SEMA5B: variants seen among roughly 807,000 people sequenced by gnomAD.
SEMA5B encodes semaphorin 5B.
A neutral mutation model predicts 135.0 loss-of-function variants in SEMA5B; 66 were observed. The observed-to-expected ratio is 0.49, with a 90% CI of 0.40 to 0.60. The LOEUF (loss-of-function observed/expected upper bound fraction) is 0.60. SEMA5B is among the 20% of genes least tolerant of loss of function. The pLI, the probability that SEMA5B is intolerant of heterozygous loss-of-function variation, is 0.00. For missense variants in SEMA5B, 1,501 were observed against 1,566.3 expected (o/e 0.96, Z 0.70); for synonymous variants, 690 against 639.5 (o/e 1.08, Z -1.19).
intron 20 of SEMA5B, 63 bp from the exon 21 acceptor site, chr3:122,911,598 G>T (rs1937712570): frequency 6.5e-7 from 1 of 1,528,770 alleles, no homozygotes; most frequent in South Asian, 1.2e-5. Context: ...GCCCTGCAGG[G>T]TAGGCGTAAG....
chr3:122,982,759 A>G (rs1941561396), intron 1 of SEMA5B, among the ~76,000 whole-genome samples: 1 of 151,992 alleles, frequency 6.6e-6, no homozygotes, highest in Non-Finnish European at 1.5e-5. Flanking sequence ...CACTGAATGG[A>G]GAAAAAGCAG....
At chr3:122,966,357 T>C (rs188537419) in intron 1 of SEMA5B, among the ~76,000 whole-genome samples, 1 of 152,016 alleles carries the variant, frequency 6.6e-6, no homozygotes, top group African/African-American at 2.4e-5. Context: ...AAAGAGTTGC[T>C]CAGAGAAGAG....
intron 1 of SEMA5B, among the ~76,000 whole-genome samples, chr3:122,979,279 C>T (rs917645097): frequency 6.6e-6 from 1 of 152,144 alleles, no homozygotes; most frequent in African/African-American, 2.4e-5. Context: ...AGCAGAGAGC[C>T]CCTCTGTCTC....
intron 1 of SEMA5B, among the ~76,000 whole-genome samples, chr3:122,995,840 C>T (rs1942010757): frequency 1.3e-5 from 2 of 152,214 alleles, no homozygotes; most frequent in Non-Finnish European, 2.9e-5. Context: ...CAGCAGAACC[C>T]ATTCTCACCA....
rs376020973 is a variant in SEMA5B, at chr3:122,913,700, C to T, written c.2133-19G>A. ...ACAGAACCTGGGGTCGGGGGAGAGG[C>T]GTCAATCCAGGGAGGGGGACCCCCT... On this transcript the variant is annotated intron_variant, in intron 15 of 22. Coordinates refer to ENST00000357599, the MANE Select transcript of SEMA5B (RefSeq NM_001031702.4). The T allele has an allele frequency of 3.1e-6, 5 of 1,611,226 alleles. No individual in the cohort carries two copies. Among genetic ancestry groups the T allele is most frequent in the African/African-American group, 2.7e-5 (2 of 74,894 alleles).
chr3:122,975,430 C>A lies in SEMA5B; in HGVS notation c.-38-14129G>T, dbSNP rs111976987. The A allele has an allele frequency of 3.3e-3, 502 of 153,748 alleles. 2 individuals are homozygous for A. The highest frequency in any genetic ancestry group is 0.011 in the African/African-American group (464 of 41,568). 9.5% of individuals were successfully genotyped at this position (153,748 alleles called of 1,614,324 possible). ...TCTCCCACTTCTCCTCCCCACCACC[C>A]CCCTGCCTCGGCACAGCCTGGGTCG... On this transcript the variant is annotated intron_variant, in intron 1 of 22. Coordinates refer to ENST00000357599, the MANE Select transcript of SEMA5B (RefSeq NM_001031702.4).
rs1384081095 is a variant in SEMA5B, at chr3:122,948,585, G to A, written c.249C>T (p.Ser83=). The change falls in exon 3 of 23, where the codon AGC becomes AGT. Residue 83 remains serine (S), a synonymous_variant. Transcript: ENST00000357599. ...SLTLLVSHLS[S]SQDVSSEPSS... ...TGGGCTCACTGGAGACATCCTGGGA[G>A]CTGGAGAGGTGGGACACCAGCAGTG... The A allele has an allele frequency of 1.2e-6, 2 of 1,613,930 alleles. No homozygotes were observed. Among genetic ancestry groups the A allele is most frequent in the African/African-American group, 2.7e-5 (2 of 74,948 alleles).
At chr3:122,946,120 C>A (rs1426349613) in intron 3 of SEMA5B, among the ~76,000 whole-genome samples, 2 of 152,146 alleles carry the variant, frequency 1.3e-5, no homozygotes, top group African/African-American at 4.8e-5. Context: ...CCATGACACG[C>A]CTGTGATTTT....
intron 5 of SEMA5B, among the ~76,000 whole-genome samples, chr3:122,929,595 C>T (rs1000560773): frequency 6.6e-6 from 1 of 152,170 alleles, no homozygotes; most frequent in South Asian, 2.1e-4. Context: ...GCAAGTCACA[C>T]AGAACCTCGT....
At chr3:122,912,762 T>C (rs867215498) in intron 18 of SEMA5B, 81 bp downstream of exon 18, 16 of 1,350,086 alleles carry the variant, frequency 1.2e-5, no homozygotes, top group Middle Eastern at 1.9e-4. Context: ...TTGGGGTTCC[T>C]GGGTAGGCCT....
At chr3:122,952,110 TTC>T (rs1321001182) in intron 2 of SEMA5B, among the ~76,000 whole-genome samples, 1 of 152,162 alleles carries the variant, frequency 6.6e-6, no homozygotes, top group Non-Finnish European at 1.5e-5. Context: ...CTCAAACTCG[TTC>T]ATACTTTGCT....
intron 21 of SEMA5B, 167 bp downstream of exon 21, chr3:122,911,324 G>A (rs1412756598): frequency 6.6e-7 from 1 of 1,520,110 alleles, no homozygotes; most frequent in Admixed American, 2.0e-5. Context: ...TAGCTGGGGG[G>A]GGCATGGAGG....
chr3:122,969,646 G>C (rs1941027713), intron 1 of SEMA5B, among the ~76,000 whole-genome samples: 1 of 152,126 alleles, frequency 6.6e-6, no homozygotes, highest in Admixed American at 6.5e-5. Context: ...CAGCCTTCCT[G>C]GCACCCACCT....
Position 122,912,034 on chromosome 3 carries a change from T to A in SEMA5B, c.2932A>T (p.Thr978Ser), listed in dbSNP as rs899789225. The part of the protein sequence containing the change: ...WSPWSEWSKC[T>S]DDGAQSRSRH... ...CTTCGGCTCTGGGCTCCGTCGTCAG[T>A]GCACTTACTCCACTCAGACCAGGGC... The change falls in exon 20 of 23, where the codon ACT (threonine) becomes TCT (serine). Residue 978 changes from threonine to serine, a missense_variant. By Grantham distance (58) the Thr-to-Ser change is moderately conservative. Around this residue, in one of 2 missense-constraint regions of SEMA5B, gnomAD observed 927 missense variants for 881.6 expected, o/e 1.05. Transcript: ENST00000357599. 1.2e-6 allele frequency: 2 copies of A among 1,613,796 alleles called. No individual in the cohort carries two copies. Among genetic ancestry groups the A allele is most frequent in the African/African-American group, 1.3e-5 (1 of 75,032 alleles).
chr3:122,915,568 T>C lies in SEMA5B; in HGVS notation c.1860A>G (p.Pro620=), dbSNP rs1938025879. 2 of 1,613,900 alleles carry C rather than the reference T, an allele frequency of 1.2e-6. No individual in the cohort carries two copies. The highest frequency in any genetic ancestry group is 2.2e-5 in the South Asian group (2 of 91,080). ...AGTTGTCCCCATCCAAGTGCTCACA[T>C]GGTTGCCATGGTGACCATGGGCCGA... ...GGFGPWSPWQ[P]CEHLDGDNSG... Residue 620 remains proline (P), a synonymous_variant, in exon 14 of 23, where the codon CCA becomes CCG. Transcript: ENST00000357599.
intron 1 of SEMA5B, among the ~76,000 whole-genome samples, chr3:122,997,793 C>G (rs1942059703): frequency 6.6e-6 from 1 of 152,102 alleles, no homozygotes; most frequent in Admixed American, 6.5e-5. Context: ...TTGAGGGAAG[C>G]TCATCGGCCT....
chr3:122,921,844 G>A (rs1938360321), intron 12 of SEMA5B, 71 bp downstream of exon 12: 2 of 1,344,538 alleles, frequency 1.5e-6, no homozygotes, highest in African/African-American at 1.5e-5. Flanking sequence ...AGGTCTCCCG[G>A]GTCCAAAGCC....
chr3:122,966,911 T>G (rs957119589), intron 1 of SEMA5B, among the ~76,000 whole-genome samples: 18 of 143,578 alleles, frequency 1.3e-4, no homozygotes, highest in Admixed American at 7.1e-5. Context: ...AGAGATGGAG[T>G]TTCACTCTTG....
chr3:122,991,217 G>T (rs757441482), intron 1 of SEMA5B, among the ~76,000 whole-genome samples: 9 of 152,310 alleles, frequency 5.9e-5, no homozygotes, highest in Non-Finnish European at 2.9e-5. Flanking sequence ...CTCCAGTCAG[G>T]ATTGGGTGAG....
Sources: gnomAD v4.1 joint callset for allele counts (sites outside exome capture counted in the v4.1 genomes callset) on GRCh38, gnomAD v4.1.1 for gene constraint, gnomAD v4.1.1 regional missense constraint, MANE v1.5 for transcripts, NCBI Gene and HGNC (gene_info 2026-07-23, HGNC 2026-07-21) for gene names.